The following CA10 variants were observed in gnomAD, a reference collection of about 807,000 sequenced individuals.
The protein encoded by CA10 is carbonic anhydrase 10 (inactive).
In CA10, 14 loss-of-function variants were observed where a neutral mutation model predicts 44.2. The observed-to-expected ratio is 0.32, with a 90% CI of 0.21 to 0.50. The LOEUF (loss-of-function observed/expected upper bound fraction) is 0.50. CA10 is among the 20% of genes least tolerant of loss of function. CA10 has a pLI of 0.99. For missense variants in CA10, 350 were observed against 409.7 expected, an observed-to-expected ratio of 0.85 and a Z score of 1.26; for synonymous variants, 159 against 141.6, an observed-to-expected ratio of 1.12 and a Z score of -0.87.
intron 3 of CA10, among the ~76,000 whole-genome samples, chr17:51,785,153 C>A (rs1039042410): frequency 2.0e-5 from 3 of 152,062 alleles, no homozygotes; most frequent in Non-Finnish European, 4.4e-5. Context: ...GTATATGTAC[C>A]ACATTTTTTA....
intron 3 of CA10, among the ~76,000 whole-genome samples, chr17:51,805,077 G>A (rs1009869292): frequency 6.6e-6 from 1 of 152,124 alleles, no homozygotes; most frequent in Non-Finnish European, 1.5e-5. Flanking sequence ...TTGCTGGGAC[G>A]CCTGGTCTCA....
chr17:51,698,739 A>G (rs1915485843), intron 4 of CA10, among the ~76,000 whole-genome samples: 1 of 152,196 alleles, frequency 6.6e-6, no homozygotes, highest in African/African-American at 2.4e-5. Context: ...AACCCCTGGT[A>G]ACCACCACCT....
intron 2 of CA10, among the ~76,000 whole-genome samples, chr17:52,027,097 G>A (rs1350254108): frequency 2.6e-5 from 4 of 152,022 alleles, no homozygotes; most frequent in African/African-American, 9.7e-5. Context: ...ATCTAGGGGC[G>A]ATGGGAGATA....
intron 4 of CA10, among the ~76,000 whole-genome samples, chr17:51,670,790 A>G (rs971191849): frequency 6.6e-6 from 1 of 152,186 alleles, no homozygotes; most frequent in Non-Finnish European, 1.5e-5. Flanking sequence ...GCAAAAATCG[A>G]CGTATGAGAA....
chr17:51,722,786 T>C (rs1363850290), intron 4 of CA10, among the ~76,000 whole-genome samples: 1 of 152,188 alleles, frequency 6.6e-6, no homozygotes, highest in Non-Finnish European at 1.5e-5. Flanking sequence ...TGGGAGATCA[T>C]GTGGCAAAAT....
chr17:51,824,588 C>T (rs1587555), intron 3 of CA10, among the ~76,000 whole-genome samples: 60,988 of 152,056 alleles, frequency 0.4, 13,035 homozygotes, highest in African/African-American at 0.56. Context: ...ATTGATTTTT[C>T]CCTTTTGCCT....
intron 2 of CA10, among the ~76,000 whole-genome samples, chr17:52,028,950 T>G (rs1372791992): frequency 6.6e-6 from 1 of 152,218 alleles, no homozygotes; most frequent in Admixed American, 6.5e-5. Flanking sequence ...CTGGAGAATG[T>G]ATTTTTCTGG....
intron 2 of CA10, among the ~76,000 whole-genome samples, chr17:52,030,675 G>A (rs758072049): frequency 3.3e-5 from 5 of 152,140 alleles, no homozygotes; most frequent in African/African-American, 4.8e-5. Flanking sequence ...AATAGGTGGG[G>A]AAGATCTGCC....
intron 3 of CA10, among the ~76,000 whole-genome samples, chr17:51,863,919 CTTAA>C (rs1979428122): frequency 6.6e-6 from 1 of 152,156 alleles, no homozygotes; most frequent in African/African-American, 2.4e-5. Flanking sequence ...TTTATTGAGG[CTTAA>C]TTGTGTCCAC....
At chr17:51,844,298 T>A (rs913025518) in intron 3 of CA10, among the ~76,000 whole-genome samples, 1 of 152,166 alleles carries the variant, frequency 6.6e-6, no homozygotes, top group Non-Finnish European at 1.5e-5. Flanking sequence ...GTTGAGAAAG[T>A]CAAAATTAAG....
chr17:51,822,414 C>CA (rs1181665395), intron 3 of CA10, among the ~76,000 whole-genome samples: 4 of 134,202 alleles, frequency 3.0e-5, no homozygotes, highest in African/African-American at 1.2e-4. Context: ...GACTTTGTCT[C>CA]AAAAAAACAA....
chr17:51,840,478 T>TACACACACACAC (rs3033576), intron 3 of CA10, among the ~76,000 whole-genome samples: 7 of 146,730 alleles, frequency 4.8e-5, no homozygotes, highest in Admixed American at 1.4e-4. Flanking sequence ...CAACCTTTAA[T>TACACACACACAC]ACACACACAC....
At chr17:51,672,460 A>G (rs1360516980) in intron 4 of CA10, among the ~76,000 whole-genome samples, 2 of 152,326 alleles carry the variant, frequency 1.3e-5, no homozygotes, top group East Asian at 3.9e-4. Flanking sequence ...GCATTATCTT[A>G]TTTGAGCCTC....
intron 3 of CA10, among the ~76,000 whole-genome samples, chr17:51,913,978 C>A (rs1268162576): frequency 1.3e-5 from 2 of 152,110 alleles, no homozygotes; most frequent in Non-Finnish European, 2.9e-5. Flanking sequence ...GATGTGTCAG[C>A]TTTGCCCCTG....
intron 1 of CA10, among the ~76,000 whole-genome samples, chr17:52,152,017 C>T (rs989939002): frequency 4.6e-5 from 7 of 152,008 alleles, no homozygotes; most frequent in Admixed American, 1.3e-4. Flanking sequence ...CTTATAATTA[C>T]CTTGTAGAAA....
intron 4 of CA10, among the ~76,000 whole-genome samples, chr17:51,693,239 G>A (rs1046158023): frequency 6.6e-6 from 1 of 152,146 alleles, no homozygotes; most frequent in Non-Finnish European, 1.5e-5. Flanking sequence ...ACTAGTTTCA[G>A]CTGGCTTCAA....
chr17:51,831,551 T>C (rs748093432), intron 3 of CA10, among the ~76,000 whole-genome samples: 1 of 152,130 alleles, frequency 6.6e-6, no homozygotes, highest in Non-Finnish European at 1.5e-5. Flanking sequence ...CAATGACCAA[T>C]AAGACTATCA....
chr17:51,724,963 T>C (rs917287577), intron 4 of CA10, among the ~76,000 whole-genome samples: 10 of 152,382 alleles, frequency 6.6e-5, no homozygotes, highest in African/African-American at 2.4e-4. Flanking sequence ...GAGCCAGCTC[T>C]GGTAGGAGCA....
chr17:51,964,777 A>T (rs185180076), intron 2 of CA10, among the ~76,000 whole-genome samples: 307 of 152,098 alleles, frequency 2.0e-3, no homozygotes, highest in Non-Finnish European at 3.7e-3. Flanking sequence ...GGAAAGTTTA[A>T]AGCACTAAAT....
Sources: gnomAD v4.1 joint callset for allele counts (sites outside exome capture counted in the v4.1 genomes callset) on GRCh38, gnomAD v4.1.1 for gene constraint, MANE v1.5 for transcripts, NCBI Gene and HGNC (gene_info 2026-07-23, HGNC 2026-07-21) for gene names.